Variants in DGKB observed in about 807,000 individuals in gnomAD.
The protein encoded by DGKB is 90 kDa diacylglycerol kinase.
Under a neutral mutation model 114.3 loss-of-function variants are expected in DGKB, and 67 were observed. The observed-to-expected ratio is 0.59, with a 90% CI of 0.48 to 0.72. DGKB has a LOEUF of 0.72. DGKB is among the 30% of genes least tolerant of loss of function. DGKB has a pLI of 0.00. For missense variants in DGKB, 907 were observed against 975.2 expected (o/e 0.93, Z 0.93); for synonymous variants, 398 against 323.1 (o/e 1.23, Z -2.49).
chr7:14,886,683 C>T (rs1855110293), intron 1 of DGKB, among the ~76,000 whole-genome samples: 1 of 151,924 alleles, frequency 6.6e-6, no homozygotes, highest in South Asian at 2.1e-4. Flanking sequence ...TAATCACTCA[C>T]CTTTATTACC....
chr7:14,379,136 T>C (rs1003449436), intron 21 of DGKB, among the ~76,000 whole-genome samples: 32 of 152,238 alleles, frequency 2.1e-4, no homozygotes, highest in African/African-American at 5.3e-4. Flanking sequence ...CCCATTACAC[T>C]AGACTTCTTC....
At chr7:14,362,050 A>C (rs995670468) in intron 21 of DGKB, among the ~76,000 whole-genome samples, 1 of 152,004 alleles carries the variant, frequency 6.6e-6, no homozygotes, top group South Asian at 2.1e-4. Context: ...TCACTCATTT[A>C]GGTTAGTGAC....
chr7:14,863,684 C>T (rs186552575), intron 1 of DGKB, among the ~76,000 whole-genome samples: 2 of 152,154 alleles, frequency 1.3e-5, no homozygotes, highest in East Asian at 3.9e-4. Flanking sequence ...TTTTGATCTA[C>T]ATGTACATTA....
intron 1 of DGKB, among the ~76,000 whole-genome samples, chr7:14,889,060 C>T (rs748774974): frequency 9.9e-5 from 15 of 151,728 alleles, no homozygotes; most frequent in Admixed American, 2.0e-4. Flanking sequence ...AAAGACTCTA[C>T]GCTGGTCAGA....
chr7:14,419,137 A>G (rs772580585), intron 21 of DGKB, among the ~76,000 whole-genome samples: 2 of 151,938 alleles, frequency 1.3e-5, no homozygotes, highest in Non-Finnish European at 2.9e-5. Flanking sequence ...TTACACAATT[A>G]TAATTTATTT....
chr7:14,736,958 A>G (rs181436248), intron 4 of DGKB, among the ~76,000 whole-genome samples: 199 of 152,288 alleles, frequency 1.3e-3, no homozygotes, highest in African/African-American at 4.5e-3. Context: ...CTTGCAGATG[A>G]AGGCAGTGCA....
intron 1 of DGKB, among the ~76,000 whole-genome samples, chr7:14,924,628 A>G (rs1372581999): frequency 2.0e-5 from 3 of 152,302 alleles, no homozygotes; most frequent in African/African-American, 7.2e-5. Context: ...GGTTTAATCT[A>G]ATAAAAATTC....
At chr7:14,763,022 T>A (rs902752903) in intron 2 of DGKB, among the ~76,000 whole-genome samples, 4 of 152,098 alleles carry the variant, frequency 2.6e-5, no homozygotes, top group African/African-American at 9.7e-5. Context: ...GCACCATAGG[T>A]GTGTCAAAAT....
intron 23 of DGKB, among the ~76,000 whole-genome samples, chr7:14,281,648 T>C (rs1347466180): frequency 6.7e-6 from 1 of 149,882 alleles, no homozygotes; most frequent in Non-Finnish European, 1.5e-5. Flanking sequence ...GAACAGAAAT[T>C]ATAACAAACT....
chr7:14,443,779 G>A (rs942177697), intron 21 of DGKB, among the ~76,000 whole-genome samples: 1 of 151,974 alleles, frequency 6.6e-6, no homozygotes, highest in African/African-American at 2.4e-5. Context: ...TTGAGGTGGT[G>A]TGATTCTGCA....
chr7:14,707,359 T>C (rs1000323277), intron 6 of DGKB, among the ~76,000 whole-genome samples: 2 of 149,876 alleles, frequency 1.3e-5, no homozygotes, highest in Non-Finnish European at 3.0e-5. Flanking sequence ...CAGGGCCAGA[T>C]GGATTCACAG....
At chr7:14,763,310 T>C (rs1835979874) in intron 2 of DGKB, among the ~76,000 whole-genome samples, 1 of 152,034 alleles carries the variant, frequency 6.6e-6, no homozygotes, top group African/African-American at 2.4e-5. Flanking sequence ...CCATAATAAC[T>C]CTCTCAGAAT....
intron 21 of DGKB, among the ~76,000 whole-genome samples, chr7:14,462,666 C>T (rs1396706760): frequency 6.6e-6 from 1 of 152,158 alleles, no homozygotes; most frequent in Non-Finnish European, 1.5e-5. Flanking sequence ...GCCATACTGC[C>T]CAAAGTAATT....
intron 3 of DGKB, among the ~76,000 whole-genome samples, chr7:14,757,138 G>C (rs915515176): frequency 6.6e-6 from 1 of 151,956 alleles, no homozygotes; most frequent in Non-Finnish European, 1.5e-5. Context: ...TGACGGACCA[G>C]GTATAAGCAA....
chr7:14,178,593 G>C (rs116534530), intron 23 of DGKB, among the ~76,000 whole-genome samples: 3 of 152,116 alleles, frequency 2.0e-5, no homozygotes, highest in Non-Finnish European at 4.4e-5. Flanking sequence ...ACTTGAACAA[G>C]AGACCTTGGA....
chr7:14,876,017 T>C (rs1421917528), intron 1 of DGKB, among the ~76,000 whole-genome samples: 2 of 152,162 alleles, frequency 1.3e-5, no homozygotes, highest in Admixed American at 1.3e-4. Context: ...CTATCCTGTC[T>C]ACATTTCTGC....
At chr7:14,710,619 T>C (rs1827201680) in intron 6 of DGKB, among the ~76,000 whole-genome samples, 1 of 152,120 alleles carries the variant, frequency 6.6e-6, no homozygotes, top group Non-Finnish European at 1.5e-5. Context: ...ATATAAAGTT[T>C]GATGGGTGTT....
chr7:14,541,127 A>G (rs1793368705), intron 20 of DGKB, among the ~76,000 whole-genome samples: 1 of 151,612 alleles, frequency 6.6e-6, no homozygotes, highest in African/African-American at 2.4e-5. Context: ...TTTTCTAGAC[A>G]CATTCATATG....
chr7:14,300,562 T>G (rs1001499777), intron 23 of DGKB, among the ~76,000 whole-genome samples: 2 of 152,170 alleles, frequency 1.3e-5, no homozygotes, highest in Admixed American at 6.6e-5. Flanking sequence ...AATGGAGTTA[T>G]GTATTCTTAT....
Sources: allele counts gnomAD v4.1 joint callset (sites outside exome capture counted in the v4.1 genomes callset), GRCh38; gene constraint gnomAD v4.1.1; transcripts MANE v1.5; gene names NCBI Gene and HGNC (gene_info 2026-07-23, HGNC 2026-07-21).